The following TRIQK variants were observed in gnomAD, a reference collection of about 807,000 sequenced individuals.
TRIQK encodes the protein triple QxxK/R motif-containing protein.
In TRIQK, 10 loss-of-function variants were observed where a neutral mutation model predicts 10.8. The observed-to-expected ratio is 0.92, with a 90% CI of 0.57 to 1.57. TRIQK has a LOEUF of 1.57. Ranked by LOEUF, TRIQK falls within the 40% of genes most tolerant of loss-of-function variation. The pLI is 0.00. For synonymous variants in TRIQK, 33 were observed against 33.7 expected, an observed-to-expected ratio of 0.98 and a Z score of 0.07; for missense variants, 107 against 97.7, an observed-to-expected ratio of 1.09 and a Z score of -0.40.
intron 2 of TRIQK, among the ~76,000 whole-genome samples, chr8:92,945,972 A>G (rs1022716113): frequency 2.5e-4 from 38 of 152,024 alleles, no homozygotes; most frequent in African/African-American, 8.4e-4. Context: ...TGCTCTGGGC[A>G]GAAAAAAAAA....
intron 2 of TRIQK, among the ~76,000 whole-genome samples, chr8:92,918,981 C>G (rs977802949): frequency 1.3e-5 from 2 of 151,810 alleles, no homozygotes; most frequent in Non-Finnish European, 2.9e-5. Context: ...AAGAGACAAT[C>G]GTTTCCCACA....
At chr8:92,896,695 T>G (rs1563614338) in intron 3 of TRIQK, among the ~76,000 whole-genome samples, 1 of 152,210 alleles carries the variant, frequency 6.6e-6, no homozygotes, top group South Asian at 2.1e-4. Context: ...GATTTAATGT[T>G]GTTTTCCCTG....
intron 3 of TRIQK, among the ~76,000 whole-genome samples, chr8:92,896,805 A>C (rs1586376250): frequency 6.9e-6 from 1 of 145,226 alleles, no homozygotes; most frequent in African/African-American, 2.5e-5. Context: ...TCAACATTGC[A>C]TTTTCTTTTT....
chr8:93,002,747 C>G (rs1222946504), intron 1 of TRIQK, among the ~76,000 whole-genome samples: 1 of 151,952 alleles, frequency 6.6e-6, no homozygotes, highest in East Asian at 1.9e-4. Context: ...TGGCGAAACC[C>G]CATCTCTACT....
intron 3 of TRIQK, among the ~76,000 whole-genome samples, chr8:92,915,144 A>G (rs1411619232): frequency 6.6e-6 from 1 of 152,194 alleles, no homozygotes; most frequent in East Asian, 1.9e-4. Context: ...TATCTTTTCA[A>G]TCTTAAAAAA....
At chr8:92,989,453 T>C (rs1011286410) in intron 1 of TRIQK, among the ~76,000 whole-genome samples, 3 of 152,170 alleles carry the variant, frequency 2.0e-5, no homozygotes, top group Admixed American at 6.5e-5. Flanking sequence ...CTCTGCCTCC[T>C]GTCAGATCAG....
chr8:92,924,731 AT>A (rs1441911056), intron 2 of TRIQK, among the ~76,000 whole-genome samples: 2 of 151,798 alleles, frequency 1.3e-5, no homozygotes, highest in Non-Finnish European at 2.9e-5. Context: ...AGTAATATTA[AT>A]TATTTCAATA....
intron 1 of TRIQK, among the ~76,000 whole-genome samples, chr8:92,975,156 C>T (rs544233056): frequency 6.6e-6 from 1 of 152,338 alleles, no homozygotes; most frequent in East Asian, 1.9e-4. Context: ...CCCCAGTTTC[C>T]ACAGGCTGGA....
At chr8:92,917,037 AT>A (rs1447320946) in intron 2 of TRIQK, 27 bp from the exon 3 acceptor site, 7 of 1,425,016 alleles carry the variant, frequency 4.9e-6, no homozygotes, top group East Asian at 2.7e-5. Context: ...TATAATGAAA[AT>A]TTTTTTAAAA....
At chr8:93,012,360 C>T (rs910493981) in intron 1 of TRIQK, among the ~76,000 whole-genome samples, 2 of 152,110 alleles carry the variant, frequency 1.3e-5, no homozygotes, top group African/African-American at 4.8e-5. Context: ...AGAGTGCCCA[C>T]GATTCTGTCC....
chr8:92,903,201 T>G (rs1809050699), intron 3 of TRIQK, among the ~76,000 whole-genome samples: 1 of 152,100 alleles, frequency 6.6e-6, no homozygotes, highest in African/African-American at 2.4e-5. Context: ...CACATTTTAA[T>G]GTAATGGAAA....
chr8:93,004,395 C>T (rs750816784), intron 1 of TRIQK, among the ~76,000 whole-genome samples: 9 of 152,208 alleles, frequency 5.9e-5, no homozygotes, highest in Admixed American at 2.0e-4. Flanking sequence ...AGAGCACAGC[C>T]TTGGGCTTGG....
intron 1 of TRIQK, among the ~76,000 whole-genome samples, chr8:92,978,141 G>C (rs965743301): frequency 1.3e-5 from 2 of 152,044 alleles, no homozygotes; most frequent in African/African-American, 4.8e-5. Flanking sequence ...GTTGTCTCCT[G>C]TCTGACACCT....
chr8:92,905,653 G>C (rs1809215455), intron 3 of TRIQK, among the ~76,000 whole-genome samples: 1 of 152,044 alleles, frequency 6.6e-6, no homozygotes, highest in Non-Finnish European at 1.5e-5. Context: ...GTAGAGCATG[G>C]GACAATAAAA....
chr8:92,944,181 A>G (rs996643802), intron 2 of TRIQK, among the ~76,000 whole-genome samples: 1 of 152,132 alleles, frequency 6.6e-6, no homozygotes, highest in African/African-American at 2.4e-5. Context: ...TAAAATGGCA[A>G]TTATCAAAAA....
At chr8:92,902,737 A>G (rs937398586) in intron 3 of TRIQK, among the ~76,000 whole-genome samples, 2 of 152,086 alleles carry the variant, frequency 1.3e-5, no homozygotes, top group Non-Finnish European at 2.9e-5. Context: ...TCCTTTAATT[A>G]GTATGTTTAG....
At chr8:92,977,271 G>C (rs1235941280) in intron 1 of TRIQK, among the ~76,000 whole-genome samples, 1 of 151,930 alleles carries the variant, frequency 6.6e-6, no homozygotes, top group Non-Finnish European at 1.5e-5. Context: ...TAAGTCAACA[G>C]TTTTCATTTC....
chr8:92,934,662 G>A (rs1454673771), intron 2 of TRIQK, among the ~76,000 whole-genome samples: 3 of 151,930 alleles, frequency 2.0e-5, no homozygotes, highest in South Asian at 4.2e-4. Context: ...TCATTATATC[G>A]AAGTCCCAGG....
intron 2 of TRIQK, among the ~76,000 whole-genome samples, chr8:92,933,465 T>C (rs1810833118): frequency 6.6e-6 from 1 of 152,046 alleles, no homozygotes; most frequent in Admixed American, 6.6e-5. Context: ...TCACCTTATT[T>C]TACACCTTAT....
Sources: gnomAD v4.1 joint callset for allele counts (sites outside exome capture counted in the v4.1 genomes callset) on GRCh38, gnomAD v4.1.1 for gene constraint, MANE v1.5 for transcripts, NCBI Gene and HGNC (gene_info 2026-07-23, HGNC 2026-07-21) for gene names.